The following LIMCH1 variants were observed in gnomAD, a reference collection of about 807,000 sequenced individuals.
The protein encoded by LIMCH1 is LIM and calponin homology domains 1, also known as LIM and calponin homology domains-containing protein 1.
A neutral mutation model predicts 176.5 loss-of-function variants in LIMCH1; 113 were observed. That is an observed-to-expected ratio of 0.64 (90% CI 0.55 to 0.75). The LOEUF (loss-of-function observed/expected upper bound fraction) is 0.75. Ranked by LOEUF, LIMCH1 falls within the 30% of genes least tolerant of loss-of-function variation. The pLI is 0.00. For synonymous variants in LIMCH1, 619 were observed against 645.9 expected (o/e 0.96, Z 0.63); for missense variants, 1,674 against 1,814.9 (o/e 0.92, Z 1.41).
rs574961613 is a variant in LIMCH1, at chr4:41,538,330, G to A, written c.-261G>A. 290 of 985,358 alleles carry A rather than the reference G, an allele frequency of 2.9e-4. No individual in the cohort carries two copies. In the African/African-American group the frequency reaches 4.3e-3, roughly 15 times the overall value. 61.0% of individuals were successfully genotyped at this position (985,358 alleles called of 1,614,324 possible). On this transcript the variant is annotated 5_prime_UTR_variant, in exon 1 of 32. Coordinates refer to ENST00000503057, the MANE Select transcript of LIMCH1 (RefSeq NM_001330672.2). Reference sequence around the variant, plus strand: ...GAGTGGGTTGGCTGGAGTTCATTGCGGAGCATGAGGACGTGTGGGGGTAAG... The same window carrying A: ...GAGTGGGTTGGCTGGAGTTCATTGCAGAGCATGAGGACGTGTGGGGGTAAG...
intron 1 of LIMCH1, among the ~76,000 whole-genome samples, chr4:41,430,179 G>C (rs1006679075): frequency 2.0e-5 from 3 of 152,126 alleles, no homozygotes; most frequent in Non-Finnish European, 4.4e-5. Context: ...TATATTTTTT[G>C]GGGGAAATAG....
chr4:41,681,754 C>T (rs1273846352), intron 25 of LIMCH1, among the ~76,000 whole-genome samples: 2 of 152,176 alleles, frequency 1.3e-5, no homozygotes, highest in Non-Finnish European at 2.9e-5. Context: ...CACCATGGCA[C>T]ATGTTTATCT....
rs554239443 is a variant in LIMCH1 at position 41,629,479 on chromosome 4, A to C, written c.1029-13A>C. On this transcript the variant is annotated splice_polypyrimidine_tract_variant and intron_variant, in intron 8 of 31. Coordinates refer to ENST00000503057, the MANE Select transcript of LIMCH1 (RefSeq NM_001330672.2). ...TTTTTCCATTGGTGTGGGGGCCCGG[A>C]TCAAATGGACAGAAACCAGGGCCAC... 1.2e-4 allele frequency: 191 copies of C among 1,535,544 alleles called. 1 individual carries two copies. The African/African-American group carries it at 2.4e-3, about 19-fold the overall frequency.
At chr4:41,449,906 T>G (rs1472313201) in intron 1 of LIMCH1, among the ~76,000 whole-genome samples, 2 of 152,216 alleles carry the variant, frequency 1.3e-5, no homozygotes, top group Non-Finnish European at 2.9e-5. Flanking sequence ...TGTGCCAGGC[T>G]TCTTGGCCTT....
At chr4:41,496,768 C>T (rs2072229836) in intron 2 of LIMCH1, among the ~76,000 whole-genome samples, 1 of 152,210 alleles carries the variant, frequency 6.6e-6, no homozygotes, top group East Asian at 1.9e-4. Flanking sequence ...AATGTGGGAT[C>T]GTTTGATGGT....
At chr4:41,498,845 A>G (rs1164485985) in intron 2 of LIMCH1, among the ~76,000 whole-genome samples, 1 of 151,454 alleles carries the variant, frequency 6.6e-6, no homozygotes, top group Non-Finnish European at 1.5e-5. Flanking sequence ...AGTCTATAGG[A>G]TCAGGGGCTG....
intron 2 of LIMCH1, among the ~76,000 whole-genome samples, chr4:41,509,462 G>T (rs942660972): frequency 6.6e-6 from 1 of 152,202 alleles, no homozygotes; most frequent in African/African-American, 2.4e-5. Flanking sequence ...GGAAGAATTT[G>T]ATAGACTTTC....
At chr4:41,402,695 A>G (rs2058573259) in intron 1 of LIMCH1, among the ~76,000 whole-genome samples, 1 of 148,414 alleles carries the variant, frequency 6.7e-6, no homozygotes, top group South Asian at 2.2e-4. Context: ...ATGAAATTGG[A>G]AATCATCATT....
At chr4:41,591,479 AG>A (rs898828469) in intron 1 of LIMCH1, among the ~76,000 whole-genome samples, 2 of 152,146 alleles carry the variant, frequency 1.3e-5, no homozygotes, top group African/African-American at 2.4e-5. Context: ...TCTGGCCTCA[AG>A]GGGTCCTCCT....
At chr4:41,654,149 T>G (rs962625366) in intron 18 of LIMCH1, among the ~76,000 whole-genome samples, 2 of 152,204 alleles carry the variant, frequency 1.3e-5, no homozygotes, top group Non-Finnish European at 2.9e-5. Flanking sequence ...TGACTTAGGA[T>G]GGTTCACCTT....
chr4:41,467,429 C>T (rs1379500754), intron 1 of LIMCH1, among the ~76,000 whole-genome samples: 1 of 152,174 alleles, frequency 6.6e-6, no homozygotes, highest in East Asian at 1.9e-4. Context: ...TTCCACATGG[C>T]TGGGAGGCCT....
intron 1 of LIMCH1, among the ~76,000 whole-genome samples, chr4:41,410,977 C>T (rs115465492): frequency 0.018 from 2,718 of 152,314 alleles, 48 homozygotes; most frequent in Non-Finnish European, 0.026. Flanking sequence ...GAGGTTCACA[C>T]AGCTCAAGAC....
chr4:41,564,198 A>T (rs2082415998), intron 1 of LIMCH1, among the ~76,000 whole-genome samples: 1 of 152,192 alleles, frequency 6.6e-6, no homozygotes, highest in South Asian at 2.1e-4. Context: ...CATTTTACAG[A>T]TGAGGAAAGG....
intron 1 of LIMCH1, among the ~76,000 whole-genome samples, chr4:41,450,798 C>CA (rs760652470): frequency 0.32 from 15,986 of 50,086 alleles, 3,310 homozygotes; most frequent in African/African-American, 0.59. Context: ...CTCTCTCTCT[C>CA]AAAAAAAAAA....
intron 1 of LIMCH1, among the ~76,000 whole-genome samples, chr4:41,544,518 G>T (rs2079103621): frequency 6.6e-6 from 1 of 152,176 alleles, no homozygotes; most frequent in African/African-American, 2.4e-5. Context: ...GTAGAGAAGA[G>T]CCCAGAAGCC....
upstream of LIMCH1, among the ~76,000 whole-genome samples, chr4:41,536,510 T>G (rs1198759049): frequency 6.6e-6 from 1 of 152,202 alleles, no homozygotes; most frequent in Non-Finnish European, 1.5e-5. Context: ...TTAACTATAT[T>G]CAGTTTAAGT....
chr4:41,679,661 A>C (rs1714039152), intron 23 of LIMCH1, among the ~76,000 whole-genome samples: 1 of 152,030 alleles, frequency 6.6e-6, no homozygotes, highest in African/African-American at 2.4e-5. Flanking sequence ...GAATGGCAAA[A>C]CTCATCTCCA....
chr4:41,476,804 G>A (rs1050690723), intron 1 of LIMCH1, among the ~76,000 whole-genome samples: 6 of 152,134 alleles, frequency 3.9e-5, no homozygotes, highest in African/African-American at 1.4e-4. Context: ...GATTCTTTGG[G>A]TACTTGTGAT....
chr4:41,386,641 G>T (rs2056531724), intron 1 of LIMCH1, among the ~76,000 whole-genome samples: 1 of 152,164 alleles, frequency 6.6e-6, no homozygotes, highest in African/African-American at 2.4e-5. Context: ...AGTTAAAATG[G>T]GATGGGTATA....
Sources: allele counts gnomAD v4.1 joint callset (sites outside exome capture counted in the v4.1 genomes callset), GRCh38; gene constraint gnomAD v4.1.1; transcripts MANE v1.5; gene names NCBI Gene and HGNC (gene_info 2026-07-23, HGNC 2026-07-21).